Variants in ACVR1 observed in about 807,000 individuals in gnomAD.
ACVR1 encodes activin receptor type-1.
In ACVR1, 38 loss-of-function variants were observed where a neutral mutation model predicts 57.1. The ratio of observed to expected loss-of-function variants is 0.67; its 90% CI spans 0.51 to 0.87. The LOEUF is 0.87. Ranked by LOEUF, ACVR1 falls within the 40% of genes least tolerant of loss-of-function variation. The pLI is 0.00. For synonymous variants in ACVR1, 212 were observed against 228.1 expected (o/e 0.93, Z 0.63); for missense variants, 463 against 638.2 (o/e 0.73, Z 2.96).
rs1330562990 is a variant in ACVR1 at position 157,791,641 on chromosome 2, C to T, written c.67+7786G>A. The stretch of plus-strand genomic sequence containing the variant: ...CCAGGTGGCAACAAGCACAGAGAGG[C>T]GAAGGAGAATATACGCAAAGACATA... On this transcript the variant is annotated intron_variant, in intron 3 of 10. Coordinates refer to ENST00000434821, the MANE Select transcript of ACVR1 (RefSeq NM_001111067.4). Among the ~76,000 whole-genome samples, 3 of 152,070 alleles carry T rather than the reference C, an allele frequency of 2.0e-5. No individual in the cohort carries two copies. In the South Asian group the frequency reaches 6.2e-4, roughly 32 times the overall value.
chr2:157,796,184 T>C (rs1264462706), intron 3 of ACVR1, among the ~76,000 whole-genome samples: 1 of 146,042 alleles, frequency 6.8e-6, no homozygotes, highest in Non-Finnish European at 1.5e-5. Context: ...ATCGTGCCAC[T>C]GCACTCCAGC....
intron 1 of ACVR1, among the ~76,000 whole-genome samples, chr2:157,832,370 A>G (rs1213066646): frequency 6.6e-6 from 1 of 152,214 alleles, no homozygotes; most frequent in Admixed American, 6.5e-5. Context: ...AACTAACAGG[A>G]AAGACAAAAA....
At chr2:157,757,636 T>C (rs1209147401) in intron 9 of ACVR1, among the ~76,000 whole-genome samples, 1 of 151,870 alleles carries the variant, frequency 6.6e-6, no homozygotes, top group Non-Finnish European at 1.5e-5. Context: ...CAGCCAAGAA[T>C]ACTACACTCA....
chr2:157,788,505 G>A (rs528447123), intron 3 of ACVR1, among the ~76,000 whole-genome samples: 5 of 152,248 alleles, frequency 3.3e-5, no homozygotes, highest in East Asian at 1.9e-4. Context: ...TTGCAGGTGC[G>A]TTCAAGGAAC....
intron 9 of ACVR1, among the ~76,000 whole-genome samples, chr2:157,754,870 A>G (rs1446555024): frequency 6.6e-6 from 1 of 152,170 alleles, no homozygotes; most frequent in African/African-American, 2.4e-5. Flanking sequence ...ACAAAACACT[A>G]GCTAACCAAG....
At chr2:157,816,384 C>T (rs1687935239) in intron 2 of ACVR1, among the ~76,000 whole-genome samples, 2 of 151,018 alleles carry the variant, frequency 1.3e-5, no homozygotes, top group East Asian at 1.9e-4. Context: ...AGCAGTTCAA[C>T]ACCAGCCTGG....
rs1385957708 is a variant in ACVR1 at position 157,826,755 on chromosome 2, GGAAAGGAAAGGAAAGGAAAGGAAAGGAAA to G, written c.-182-8225_-182-8197del. On this transcript the variant is annotated intron_variant, in intron 1 of 10. Coordinates refer to ENST00000434821, the MANE Select transcript of ACVR1 (RefSeq NM_001111067.4). ...GGAAAGGAAAGGAAAGGAAAGGAAA[GGAAAGGAAAGGAAAGGAAAGGAAAGGAAA>G]GGAAAGGGAAAGGGAAAAGGAAAAG... The G allele has an allele frequency of 5.9e-3, 573 of 97,838 alleles. 23 individuals carry two copies. Among genetic ancestry groups the G allele is most frequent in the African/African-American group, 0.031 (517 of 16,906 alleles). The allele number at this position is 97,838 out of a possible 1,614,324, so 6.1% of individuals were successfully genotyped here. A position where few individuals can be genotyped will look rare whatever the true frequency, so the allele number is the denominator to read the frequency against.
rs10190290 is a variant in ACVR1, at chr2:157,782,839, C to T, written c.68-2239G>A. On this transcript the variant is annotated intron_variant, in intron 3 of 10. Coordinates refer to ENST00000434821, the MANE Select transcript of ACVR1 (RefSeq NM_001111067.4). ...AACACAAACATGTATTTTAACATCC[C>T]GAGTACTTTTAAAAGATCATAGATA... 2.8e-3 allele frequency among the ~76,000 whole-genome samples: 420 copies of T among 152,220 alleles called. 2 individuals are homozygous for T. The highest frequency in any genetic ancestry group is 9.5e-3 in the African/African-American group (395 of 41,504).
chr2:157,844,713 A>G (rs1689075990), intron 1 of ACVR1, among the ~76,000 whole-genome samples: 1 of 152,184 alleles, frequency 6.6e-6, no homozygotes, highest in Non-Finnish European at 1.5e-5. Context: ...TGACCTCAAG[A>G]GCTGCTGTGG....
At chr2:157,784,948 G>T (rs767879102) in intron 3 of ACVR1, among the ~76,000 whole-genome samples, 2 of 152,222 alleles carry the variant, frequency 1.3e-5, no homozygotes, top group Non-Finnish European at 1.5e-5. Context: ...TTATGTTTAA[G>T]TGGGACTTTA....
chr2:157,764,278 G>T (rs1348017984), intron 8 of ACVR1, among the ~76,000 whole-genome samples: 2 of 151,814 alleles, frequency 1.3e-5, no homozygotes, highest in African/African-American at 4.8e-5. Flanking sequence ...CGCCTCCTGG[G>T]TTCAAGCAAT....
At chr2:157,833,916 C>A (rs1302397589) in intron 1 of ACVR1, among the ~76,000 whole-genome samples, 1 of 152,140 alleles carries the variant, frequency 6.6e-6, no homozygotes, top group South Asian at 2.1e-4. Context: ...TCTGCCAGCA[C>A]TGCTGTGCAC....
chr2:157,747,186 T>C (rs796672600), intron 9 of ACVR1, among the ~76,000 whole-genome samples: 34 of 152,316 alleles, frequency 2.2e-4, no homozygotes, highest in African/African-American at 8.2e-4. Context: ...ATTCTTTTAA[T>C]GACAGTTCCT....
chr2:157,859,637 C>T (rs527787486), intron 1 of ACVR1, among the ~76,000 whole-genome samples: 2 of 152,208 alleles, frequency 1.3e-5, no homozygotes, highest in Admixed American at 6.5e-5. Context: ...TACTCTATTC[C>T]ACCCTACAGA....
intron 1 of ACVR1, among the ~76,000 whole-genome samples, chr2:157,853,182 G>T (rs1689384317): frequency 6.6e-6 from 1 of 152,090 alleles, no homozygotes; most frequent in South Asian, 2.1e-4. Context: ...TAAATAGATT[G>T]TATTAGTCTA....
At chr2:157,857,010 G>A (rs1689556794) in intron 1 of ACVR1, among the ~76,000 whole-genome samples, 2 of 151,996 alleles carry the variant, frequency 1.3e-5, no homozygotes, top group African/African-American at 4.8e-5. Context: ...ACCACCCTGG[G>A]CAACATGGTG....
chr2:157,819,606 C>A (rs1688087122), intron 1 of ACVR1: 1 of 151,934 alleles, frequency 6.6e-6, no homozygotes, highest in Non-Finnish European at 1.5e-5. Flanking sequence ...ACCAGAGTAA[C>A]CAATTTCTTG....
intron 3 of ACVR1, among the ~76,000 whole-genome samples, chr2:157,781,691 C>G (rs1342221795): frequency 6.6e-6 from 1 of 152,232 alleles, no homozygotes; most frequent in African/African-American, 2.4e-5. Context: ...GGAAGCACAT[C>G]TAATCACTCT....
At chr2:157,800,899 C>CCT (rs1032443699) in intron 2 of ACVR1, among the ~76,000 whole-genome samples, 2 of 152,024 alleles carry the variant, frequency 1.3e-5, no homozygotes, top group Admixed American at 1.3e-4. Context: ...CTCCTCCACC[C>CCT]CTCTCCAACC....
Sources: gnomAD v4.1 joint callset for allele counts (sites outside exome capture counted in the v4.1 genomes callset) on GRCh38, gnomAD v4.1.1 for gene constraint, MANE v1.5 for transcripts, NCBI Gene and HGNC (gene_info 2026-07-23, HGNC 2026-07-21) for gene names.